ADD2: variants seen among roughly 807,000 people sequenced by gnomAD.
ADD2 encodes adducin 2.
A neutral mutation model predicts 83.0 loss-of-function variants in ADD2; 23 were observed. That is an observed-to-expected ratio of 0.28 (90% confidence interval 0.20 to 0.39). ADD2 has a LOEUF of 0.39. Among genes scored for constraint, ADD2 ranks in the 10% least tolerant of loss-of-function variants. The pLI is 1.00. For synonymous variants in ADD2, 375 were observed against 375.4 expected, an observed-to-expected ratio of 1.00 and a Z score of 0.01; for missense variants, 758 against 944.9, an observed-to-expected ratio of 0.80 and a Z score of 2.59.
chr2:70,708,095 A>ACT (rs2104393284), intron 2 of ADD2, among the ~76,000 whole-genome samples: 1 of 152,060 alleles, frequency 6.6e-6, no homozygotes, highest in South Asian at 2.1e-4. Context: ...AACTCCACAC[A>ACT]CTACCTTTGC....
chr2:70,684,081 G>A (rs534145662), intron 9 of ADD2, among the ~76,000 whole-genome samples: 7 of 152,268 alleles, frequency 4.6e-5, no homozygotes, highest in Non-Finnish European at 1.0e-4. Context: ...GGGGAGGGAG[G>A]GAAGATGAGA....
intron 1 of ADD2, among the ~76,000 whole-genome samples, chr2:70,762,359 A>C (rs1675159619): frequency 6.6e-6 from 1 of 151,742 alleles, no homozygotes; most frequent in Non-Finnish European, 1.5e-5. Flanking sequence ...AATGAGACAA[A>C]GCAGGTCTGG....
chr2:70,755,603 G>T (rs1027724990), intron 1 of ADD2, among the ~76,000 whole-genome samples: 1 of 152,164 alleles, frequency 6.6e-6, no homozygotes, highest in East Asian at 1.9e-4. Context: ...GAGCTGGGTT[G>T]AACGATACAC....
intron 1 of ADD2, among the ~76,000 whole-genome samples, chr2:70,721,213 TCA>T (rs1263197234): frequency 1.3e-5 from 2 of 152,256 alleles, no homozygotes; most frequent in Admixed American, 6.5e-5. Flanking sequence ...CCTTACATTC[TCA>T]CAGTTTGTCA....
intron 1 of ADD2, among the ~76,000 whole-genome samples, chr2:70,745,024 C>T (rs1674106957): frequency 1.3e-5 from 2 of 152,238 alleles, no homozygotes; most frequent in South Asian, 4.1e-4. Flanking sequence ...CGGTGGCTCA[C>T]GATTGTAATC....
chr2:70,756,174 C>G (rs1212462077), intron 1 of ADD2, among the ~76,000 whole-genome samples: 1 of 152,086 alleles, frequency 6.6e-6, no homozygotes, highest in Non-Finnish European at 1.5e-5. Flanking sequence ...TACCCCCTTT[C>G]CTCCCCCAAC....
intron 1 of ADD2, among the ~76,000 whole-genome samples, chr2:70,738,466 GA>G (rs1673703979): frequency 6.6e-6 from 1 of 152,196 alleles, no homozygotes; most frequent in African/African-American, 2.4e-5. Flanking sequence ...CTAATCAGCT[GA>G]AAGATAAAGC....
In ADD2 at chr2:70,764,874, A is replaced by T. The variant is rs191787689; in HGVS notation, c.-154+3012T>A. 7.7e-4 allele frequency among the ~76,000 whole-genome samples: 117 copies of T among 152,106 alleles called. 1 individual carries two copies. The highest frequency in any genetic ancestry group is 3.4e-3 in the Middle Eastern group (1 of 294). ...TCAGAGAATACACAGATCTTTCAAA[A>T]TACGTATATCTTCAGAACCCCAGGG... On this transcript the variant is annotated intron_variant, in intron 1 of 15. Coordinates refer to ENST00000264436, the MANE Select transcript of ADD2 (RefSeq NM_001617.4).
rs1329854512 is a variant in ADD2 at position 70,713,008 on chromosome 2, G to A, written c.-35+58C>T. The A allele has an allele frequency of 3.8e-6, 3 of 782,704 alleles. No individual in the cohort carries two copies. The African/African-American group carries it at 5.6e-5, about 15-fold the overall frequency. The allele number at this position is 782,704 out of a possible 1,614,324, so 48.5% of individuals were successfully genotyped here. On this transcript the variant is annotated intron_variant, in intron 2 of 15. Coordinates refer to ENST00000264436, the MANE Select transcript of ADD2 (RefSeq NM_001617.4). ...GGCCTTGTCTGTACCTCACGTGATGGGCCCAGCCAAAAAGTGTGCATCACC... is the reference window on the plus strand; with the variant it reads ...GGCCTTGTCTGTACCTCACGTGATGAGCCCAGCCAAAAAGTGTGCATCACC...
chr2:70,714,219 C>A (rs1283657772), intron 1 of ADD2, among the ~76,000 whole-genome samples: 4 of 152,112 alleles, frequency 2.6e-5, no homozygotes, highest in African/African-American at 9.7e-5. Flanking sequence ...CTTGGACATC[C>A]TGTTGTTCTG....
chr2:70,676,641 A>C lies in ADD2; in HGVS notation c.1593+155T>G. 6.8e-7 allele frequency: 1 copy of C among 1,479,794 alleles called. No homozygotes were observed. Among genetic ancestry groups the C allele is most frequent in the Non-Finnish European group, 9.0e-7 (1 of 1,107,102 alleles). The allele number at this position is 1,479,794 out of a possible 1,614,324, so 91.7% of individuals were successfully genotyped here. A position where few individuals can be genotyped will look rare whatever the true frequency, so the allele number is the denominator to read the frequency against. On this transcript the variant is annotated intron_variant, in intron 13 of 15. Transcript: ENST00000264436. The surrounding 1 kb of genome is among the most constrained non-coding windows in gnomAD (Gnocchi z 4.8). ...CCCTGGTCCTCACAGCACCCCTGTGAGGTTGGCCTCCATTTTGCAGCAAGA... is the reference window on the plus strand; with the variant it reads ...CCCTGGTCCTCACAGCACCCCTGTGCGGTTGGCCTCCATTTTGCAGCAAGA...
intron 2 of ADD2, 46 bp downstream of exon 2, chr2:70,713,020 A>G (rs533581084): frequency 1.1e-6 from 1 of 893,026 alleles, no homozygotes; most frequent in African/African-American, 1.8e-5. Context: ...CCCAGCCAAA[A>G]AGTGTGCATC....
intron 1 of ADD2, among the ~76,000 whole-genome samples, chr2:70,716,537 C>T (rs1672478614): frequency 6.6e-6 from 1 of 152,218 alleles, no homozygotes; most frequent in Admixed American, 6.5e-5. Context: ...CAGCAACAAT[C>T]TATTACCGTG....
intron 15 of ADD2, among the ~76,000 whole-genome samples, chr2:70,669,028 GATTC>G (rs1226116680): frequency 6.6e-6 from 1 of 152,134 alleles, no homozygotes; most frequent in Non-Finnish European, 1.5e-5. Flanking sequence ...GTCATAGAGA[GATTC>G]ATTAAAGACC....
At chr2:70,671,914 C>T (rs1291857294) in intron 15 of ADD2, among the ~76,000 whole-genome samples, 9 of 152,070 alleles carry the variant, frequency 5.9e-5, no homozygotes, top group South Asian at 2.1e-4. Flanking sequence ...TGGGGGTCTC[C>T]GGGGACCTGG....
At chr2:70,767,425 G>A (rs1675445546) in intron 1 of ADD2, 1 of 170,666 alleles carries the variant, frequency 5.9e-6, no homozygotes, top group Non-Finnish European at 1.2e-5. Context: ...GCGATCGCGA[G>A]GCCCCGGGGG....
chr2:70,705,171 A>T (rs1263163892), intron 3 of ADD2, among the ~76,000 whole-genome samples: 1 of 151,652 alleles, frequency 6.6e-6, no homozygotes, highest in Admixed American at 6.6e-5. Flanking sequence ...CCCCCTTGCC[A>T]CCCCTCCTAG....
intron 6 of ADD2, among the ~76,000 whole-genome samples, chr2:70,695,367 C>A (rs972069692): frequency 3.9e-5 from 6 of 152,128 alleles, no homozygotes; most frequent in African/African-American, 1.4e-4. Context: ...GGACAAATCT[C>A]GTGCTGCTTT....
intron 4 of ADD2, 37 bp downstream of exon 4, chr2:70,704,284 C>CCCCCCCACA: frequency 6.4e-7 from 1 of 1,560,600 alleles, no homozygotes; most frequent in Admixed American, 1.8e-5. Flanking sequence ...CCCTCCCCTC[C>CCCCCCCACA]ACCTCTGCTC....
Sources: allele counts gnomAD v4.1 joint callset (sites outside exome capture counted in the v4.1 genomes callset), GRCh38; gene constraint gnomAD v4.1.1; non-coding constraint Gnocchi (gnomAD v3.1); transcripts MANE v1.5; gene names NCBI Gene and HGNC (gene_info 2026-07-23, HGNC 2026-07-21).